The following HEATR5A variants were observed in gnomAD, a reference collection of about 807,000 sequenced individuals.
HEATR5A encodes HEAT repeat-containing protein 5A.
In HEATR5A, 178 loss-of-function variants were observed where a neutral mutation model predicts 218.8. The observed-to-expected ratio is 0.81, with a 90% confidence interval of 0.72 to 0.92. HEATR5A has a LOEUF of 0.92. Ranked by LOEUF, HEATR5A falls within the 40% of genes least tolerant of loss-of-function variation. The probability of loss-of-function intolerance (pLI) is 0.00; values close to 1 mark genes in which losing one functional copy is unlikely to be tolerated. For missense variants in HEATR5A, 2,420 were observed against 2,418.9 expected (o/e 1.00, Z -0.01); for synonymous variants, 864 against 871.6 (o/e 0.99, Z 0.15).
chr14:31,305,231 G>A (rs888697734), intron 31 of HEATR5A, 54 bp from the exon 32 acceptor site: 2 of 1,548,296 alleles, frequency 1.3e-6, no homozygotes. Flanking sequence ...TCTGGTAGAT[G>A]GCAATTTAGT....
At chr14:31,370,596 A>G (rs1902003215) in intron 13 of HEATR5A, among the ~76,000 whole-genome samples, 1 of 152,240 alleles carries the variant, frequency 6.6e-6, no homozygotes, top group South Asian at 2.1e-4. Context: ...TACTAGGTAC[A>G]TACCCTAGAG....
chr14:31,305,321 G>GGA, intron 31 of HEATR5A, 144 bp from the exon 32 acceptor site: 1 of 820,582 alleles, frequency 1.2e-6, no homozygotes, highest in Non-Finnish European at 1.9e-6. Flanking sequence ...GGAGTGCAAT[G>GGA]GCATGATCTC....
intron 21 of HEATR5A, among the ~76,000 whole-genome samples, chr14:31,343,180 C>T (rs1235276635): frequency 1.3e-5 from 2 of 152,042 alleles, no homozygotes; most frequent in African/African-American, 4.8e-5. Context: ...GCAACCTCCA[C>T]CTCCCGGGTT....
In HEATR5A at chr14:31,295,201, T is replaced by C. The variant is rs563062494; in HGVS notation, c.5619+708A>G. On this transcript the variant is annotated intron_variant, in intron 34 of 35. Coordinates refer to ENST00000543095, the MANE Select transcript of HEATR5A (RefSeq NM_015473.4). ...TGGGATAAATTTGTGTGTATTGCTT[T>C]TGGAATGGGTCCTGTTATTTCACAT... is the stretch of plus-strand genomic sequence containing the variant. 2.0e-4 allele frequency among the ~76,000 whole-genome samples: 30 copies of C among 152,294 alleles called. No individual in the cohort carries two copies. The South Asian group carries it at 3.3e-3, about 17-fold the overall frequency.
chr14:31,341,002 G>A (rs1250135807), intron 21 of HEATR5A, among the ~76,000 whole-genome samples: 2 of 152,334 alleles, frequency 1.3e-5, no homozygotes, highest in East Asian at 3.9e-4. Flanking sequence ...ATACTTCCCA[G>A]TAGGATTTTT....
intron 8 of HEATR5A, 111 bp from the exon 9 acceptor site, chr14:31,386,686 T>C (rs922485844): frequency 7.1e-6 from 6 of 850,200 alleles, no homozygotes; most frequent in Non-Finnish European, 8.9e-6. Context: ...ACACTTGATC[T>C]ATATGAAATA....
Position 31,337,367 on chromosome 14 carries a change from G to C in HEATR5A, c.3367+109C>G, listed in dbSNP as rs1238676126. The C allele has an allele frequency of 6.0e-6, 5 of 828,384 alleles. No individual in the cohort carries two copies. The South Asian group carries it at 9.6e-5, about 16-fold the overall frequency. The allele number at this position is 828,384 out of a possible 1,614,324, so 51.3% of individuals were successfully genotyped here. A position where few individuals can be genotyped will look rare whatever the true frequency, so the allele number is the denominator to read the frequency against. ...CTGTTAGCAATTCTTTCTTGTAGCA[G>C]GTTTAAGACATATTAACTTTTAAAC... On this transcript the variant is annotated intron_variant, in intron 22 of 35. Coordinates refer to ENST00000543095, the MANE Select transcript of HEATR5A (RefSeq NM_015473.4).
At chr14:31,407,240 G>A (rs144896091) in intron 1 of HEATR5A, among the ~76,000 whole-genome samples, 67 of 152,218 alleles carry the variant, frequency 4.4e-4, no homozygotes, top group African/African-American at 1.4e-3. Context: ...ACAGCAAGCC[G>A]TGATCAAAAA....
In HEATR5A at chr14:31,353,504, G is replaced by A. The variant is rs530305354; in HGVS notation, c.2412-2787C>T. Among the ~76,000 whole-genome samples, 3 of 152,226 alleles carry A rather than the reference G, an allele frequency of 2.0e-5. No homozygotes were observed. The South Asian group carries it at 6.2e-4, about 32-fold the overall frequency. On this transcript the variant is annotated intron_variant, in intron 16 of 35. Transcript: ENST00000543095. ...TAATTCTAGCACTTTGGGCGGCAGA[G>A]GCAGGAGGATCGCTTGAGCCCATGA...
intron 32 of HEATR5A, among the ~76,000 whole-genome samples, chr14:31,303,498 A>G (rs764562388): frequency 6.6e-6 from 1 of 152,200 alleles, no homozygotes; most frequent in Non-Finnish European, 1.5e-5. Context: ...ATTAAGAAGC[A>G]TCTACTAGGT....
chr14:31,293,207 A>T lies in HEATR5A; in HGVS notation c.*98T>A, dbSNP rs368350492. ...TATTTAAGGTAAAACAATCAACTAG[A>T]CCTCTAAGGGCACTTGTGTCTACAA... On this transcript the variant is annotated 3_prime_UTR_variant, in exon 36 of 36. Coordinates refer to ENST00000543095, the MANE Select transcript of HEATR5A (RefSeq NM_015473.4). The T allele has an allele frequency of 2.6e-5, 23 of 875,682 alleles. No homozygotes were observed. The South Asian group carries it at 3.7e-4, about 14-fold the overall frequency. The allele number at this position is 875,682 out of a possible 1,614,324, so 54.2% of individuals were successfully genotyped here.
chr14:31,390,966 C>T (rs2139289498), intron 6 of HEATR5A, among the ~76,000 whole-genome samples: 1 of 152,170 alleles, frequency 6.6e-6, no homozygotes, highest in Middle Eastern at 3.4e-3. Context: ...CCCTTGAAGA[C>T]CATCCAGTGG....
rs766632228 is a variant in HEATR5A, at chr14:31,295,917, CT to C, written c.5610del (p.Asp1871IlefsTer31). 1.2e-6 allele frequency: 2 copies of C among 1,613,448 alleles called. No individual in the cohort carries two copies. The highest frequency in any genetic ancestry group is 4.5e-5 in the East Asian group (2 of 44,842). On this transcript the variant is annotated frameshift_variant, in exon 34 of 36. Coordinates refer to ENST00000543095, the MANE Select transcript of HEATR5A (RefSeq NM_015473.4). LOFTEE classifies it high-confidence loss of function. The stretch of plus-strand genomic sequence containing the variant: ...TGCTAAAAGACACTTACCACAGGAT[CT>C]TTTATCTCAAGAGTAGCTTTAAATT... The part of the protein sequence containing the change: ...IDKFKATLEI[K>X]DPVVQIKTYQ...
At chr14:31,383,108 T>C (rs937079426) in intron 10 of HEATR5A, among the ~76,000 whole-genome samples, 2 of 152,278 alleles carry the variant, frequency 1.3e-5, no homozygotes, top group East Asian at 1.9e-4. Flanking sequence ...AGGATGTAAG[T>C]ATTTTCAAAA....
At chr14:31,402,546 T>C (rs1025007709) in intron 2 of HEATR5A, among the ~76,000 whole-genome samples, 6 of 152,200 alleles carry the variant, frequency 3.9e-5, no homozygotes, top group Middle Eastern at 3.2e-3. Context: ...CGGAGGAACA[T>C]AGATGCAGAC....
chr14:31,294,026 AG>A lies in HEATR5A; in HGVS notation c.5697del (p.Ser1900LeufsTer2). On this transcript the variant is annotated frameshift_variant, in exon 35 of 36. Coordinates refer to ENST00000543095, the MANE Select transcript of HEATR5A (RefSeq NM_015473.4). LOFTEE classifies it high-confidence loss of function. ...PNPAVSYPYI[Y>X]SLASCIMEKL... ...TTTTCCATGATACAGGATGCTAAAGAGTAAATGTATGGGTAGGAAACAGCTG... is the reference window on the plus strand; with the variant it reads ...TTTTCCATGATACAGGATGCTAAAGATAAATGTATGGGTAGGAAACAGCTG... 4.4e-6 allele frequency: 7 copies of A among 1,604,836 alleles called. No individual in the cohort carries two copies. The highest frequency in any genetic ancestry group is 6.0e-6 in the Non-Finnish European group (7 of 1,175,354).
rs1489524942 is a variant in HEATR5A, at chr14:31,326,304, A to G, written c.3406T>C (p.Leu1136=). 2 of 1,613,408 alleles carry G rather than the reference A, an allele frequency of 1.2e-6. No homozygotes were observed. The highest frequency in any genetic ancestry group is 1.7e-6 in the Non-Finnish European group (2 of 1,179,580). ...TCTGTCTCCTTGTCTAGTAAGATCAACAATGCCCCCTCAAGGCCAACTTCT... is the reference window on the plus strand; with the variant it reads ...TCTGTCTCCTTGTCTAGTAAGATCAGCAATGCCCCCTCAAGGCCAACTTCT... The part of the protein sequence containing the change: ...IREVGLEGAL[L]ILLDKETDER... The change falls in exon 23 of 36, where the codon TTG becomes CTG. Residue 1136 remains leucine (L), a synonymous_variant. Coordinates refer to ENST00000543095, the MANE Select transcript of HEATR5A (RefSeq NM_015473.4).
chr14:31,376,170 T>C (rs1044615898), intron 11 of HEATR5A, among the ~76,000 whole-genome samples: 2 of 152,182 alleles, frequency 1.3e-5, no homozygotes, highest in Non-Finnish European at 2.9e-5. Context: ...GGGAGAATAA[T>C]AGTATTTTAT....
At chr14:31,389,654 C>T (rs7159084) in intron 6 of HEATR5A, among the ~76,000 whole-genome samples, 130,003 of 151,982 alleles carry the variant, frequency 0.86, 56,321 homozygotes, top group Non-Finnish European at 0.94. Flanking sequence ...ATTATCTCCC[C>T]AAAAAAAAGA....
Sources: gnomAD v4.1 joint callset for allele counts (sites outside exome capture counted in the v4.1 genomes callset) on GRCh38, gnomAD v4.1.1 for gene constraint, MANE v1.5 for transcripts, NCBI Gene and HGNC (gene_info 2026-07-23, HGNC 2026-07-21) for gene names.